Variants in SMYD3 observed in about 807,000 individuals in gnomAD.
The protein encoded by SMYD3 is SET and MYND domain containing 3.
SMYD3 carries 36 observed loss-of-function variants against 57.7 expected under a neutral mutation model. That is an observed-to-expected ratio of 0.62 (90% CI 0.48 to 0.82). SMYD3 has a LOEUF of 0.82. Ranked by LOEUF, SMYD3 falls within the 40% of genes least tolerant of loss-of-function variation. The pLI is 0.00. For synonymous variants in SMYD3, 211 were observed against 195.0 expected, an observed-to-expected ratio of 1.08 and a Z score of -0.68; for missense variants, 515 against 538.8, an observed-to-expected ratio of 0.96 and a Z score of 0.44.
At chr1:246,433,145 C>A (rs1009811039) in intron 1 of SMYD3, among the ~76,000 whole-genome samples, 1 of 152,122 alleles carries the variant, frequency 6.6e-6, no homozygotes, top group Non-Finnish European at 1.5e-5. Flanking sequence ...AATTGGTATA[C>A]AAAAATCAGC....
rs1013477207 is a variant in SMYD3 at position 246,283,028 on chromosome 1, C to T, written c.531+44173G>A. 4.6e-5 allele frequency among the ~76,000 whole-genome samples: 7 copies of T among 152,162 alleles called. 1 individual carries two copies. Among genetic ancestry groups the T allele is most frequent in the African/African-American group, 1.7e-4 (7 of 41,426 alleles). On this transcript the variant is annotated intron_variant, in intron 5 of 11. Coordinates refer to ENST00000490107, the MANE Select transcript of SMYD3 (RefSeq NM_001167740.2). The stretch of plus-strand genomic sequence containing the variant: ...TTTAACTTCCTCTGCCTGCACCTTC[C>T]CTGAGACAGGAAAAGCCACAAAAGA...
chr1:246,060,308 G>A (rs960266920), intron 5 of SMYD3, among the ~76,000 whole-genome samples: 3 of 146,284 alleles, frequency 2.1e-5, no homozygotes, highest in Non-Finnish European at 4.5e-5. Context: ...TAAAGGTTGC[G>A]TTTTTTTTTT....
intron 8 of SMYD3, among the ~76,000 whole-genome samples, chr1:245,871,633 A>G (rs928918809): frequency 6.6e-6 from 1 of 152,244 alleles, no homozygotes; most frequent in Non-Finnish European, 1.5e-5. Flanking sequence ...GCTTGGAGCC[A>G]TAAGATGTGG....
intron 5 of SMYD3, among the ~76,000 whole-genome samples, chr1:245,935,081 C>T (rs1014140759): frequency 1.3e-5 from 2 of 152,202 alleles, no homozygotes; most frequent in Admixed American, 6.5e-5. Flanking sequence ...AACTAAAAAG[C>T]TTCTGCATAG....
intron 10 of SMYD3, among the ~76,000 whole-genome samples, chr1:245,829,898 T>A (rs968734219): frequency 4.6e-5 from 7 of 152,126 alleles, no homozygotes; most frequent in African/African-American, 1.7e-4. Flanking sequence ...TCCATTTATA[T>A]AAACTGTCTA....
At chr1:246,098,396 G>T (rs1181082176) in intron 5 of SMYD3, among the ~76,000 whole-genome samples, 1 of 152,144 alleles carries the variant, frequency 6.6e-6, no homozygotes, top group Non-Finnish European at 1.5e-5. Flanking sequence ...GGTTCAGAGA[G>T]GCCAAAAGGC....
At chr1:246,408,663 C>CTTTTTT (rs5782392) in intron 1 of SMYD3, among the ~76,000 whole-genome samples, 21 of 65,522 alleles carry the variant, frequency 3.2e-4, no homozygotes, top group East Asian at 4.5e-4. Flanking sequence ...AGAAGCAAGT[C>CTTTTTT]TTTTTTTTTT....
At chr1:245,970,920 C>T (rs1368599954) in intron 5 of SMYD3, among the ~76,000 whole-genome samples, 1 of 152,112 alleles carries the variant, frequency 6.6e-6, no homozygotes, top group Non-Finnish European at 1.5e-5. Flanking sequence ...CTAGAATTAC[C>T]ATTTGACCCA....
At chr1:245,756,330 C>T (rs904050021) in intron 11 of SMYD3, among the ~76,000 whole-genome samples, 20 of 151,726 alleles carry the variant, frequency 1.3e-4, no homozygotes, top group African/African-American at 3.6e-4. Context: ...ATTTCTACTA[C>T]ATACATTTAG....
At chr1:245,785,493 C>T (rs2046997855) in intron 10 of SMYD3, among the ~76,000 whole-genome samples, 1 of 152,078 alleles carries the variant, frequency 6.6e-6, no homozygotes, top group African/African-American at 2.4e-5. Context: ...GCTCAAAAGG[C>T]CAAAGAAGCA....
At chr1:246,024,803 T>A (rs2059545278) in intron 5 of SMYD3, among the ~76,000 whole-genome samples, 1 of 136,206 alleles carries the variant, frequency 7.3e-6, no homozygotes, top group African/African-American at 2.9e-5. Flanking sequence ...ATACAGCAAG[T>A]GGACAGCATC....
intron 10 of SMYD3, among the ~76,000 whole-genome samples, chr1:245,843,330 A>C (rs2050494305): frequency 6.6e-6 from 1 of 152,198 alleles, no homozygotes; most frequent in Non-Finnish European, 1.5e-5. Context: ...GCCAGGTTTA[A>C]GAAGGCAGCT....
chr1:246,041,767 G>A (rs1479513726), intron 5 of SMYD3, among the ~76,000 whole-genome samples: 2 of 151,714 alleles, frequency 1.3e-5, no homozygotes, highest in African/African-American at 4.8e-5. Flanking sequence ...TCCAATGGAC[G>A]GACTCAGAGT....
At chr1:245,814,028 A>C (rs1043257338) in intron 10 of SMYD3, among the ~76,000 whole-genome samples, 18 of 151,748 alleles carry the variant, frequency 1.2e-4, no homozygotes, top group Non-Finnish European at 2.2e-4. Context: ...TTTTATAATA[A>C]AGTTTTTATA....
intron 10 of SMYD3, among the ~76,000 whole-genome samples, chr1:245,785,865 ATTTTATTTT>A (rs1417474668): frequency 6.6e-6 from 1 of 151,736 alleles, no homozygotes; most frequent in Non-Finnish European, 1.5e-5. Flanking sequence ...TGCCTGGCTA[ATTTTATTTT>A]TTTTATTTTT....
At chr1:246,500,256 G>T (rs1264284527) in intron 1 of SMYD3, among the ~76,000 whole-genome samples, 1 of 152,138 alleles carries the variant, frequency 6.6e-6, no homozygotes, top group Non-Finnish European at 1.5e-5. Flanking sequence ...TAGCCTTTTT[G>T]GCTTTTTCGA....
chr1:246,273,144 T>TTTTC (rs965453892), intron 5 of SMYD3, among the ~76,000 whole-genome samples: 1 of 128,870 alleles, frequency 7.8e-6, no homozygotes, highest in African/African-American at 3.1e-5. Flanking sequence ...TCTTTTTTTT[T>TTTTC]TTTTTTTTCT....
At chr1:245,987,406 T>C (rs953607730) in intron 5 of SMYD3, among the ~76,000 whole-genome samples, 1 of 152,148 alleles carries the variant, frequency 6.6e-6, no homozygotes, top group African/African-American at 2.4e-5. Flanking sequence ...CATTACTGTT[T>C]TGAGATAAAT....
Position 246,276,659 on chromosome 1 carries a change from C to T in SMYD3, c.531+50542G>A, listed in dbSNP as rs899145098. Among the ~76,000 whole-genome samples, 4 of 151,750 alleles carry T rather than the reference C, an allele frequency of 2.6e-5. No homozygotes were observed. In the East Asian group the frequency reaches 7.7e-4, roughly 29 times the overall value. On this transcript the variant is annotated intron_variant, in intron 5 of 11. Coordinates refer to ENST00000490107, the MANE Select transcript of SMYD3 (RefSeq NM_001167740.2). ...TTAATGTTTCTAGTGGAGTCTGATG[C>T]CCACGTTTGAATACTAACTCTGTTT...
Sources: gnomAD v4.1 joint callset for allele counts (sites outside exome capture counted in the v4.1 genomes callset) on GRCh38, gnomAD v4.1.1 for gene constraint, MANE v1.5 for transcripts, NCBI Gene and HGNC (gene_info 2026-07-23, HGNC 2026-07-21) for gene names.